Variants in PTPRD observed in about 807,000 individuals in gnomAD.
The protein encoded by PTPRD is receptor-type tyrosine-protein phosphatase delta.
In PTPRD, 34 loss-of-function variants were observed where a neutral mutation model predicts 214.5. The ratio of observed to expected loss-of-function variants is 0.16; its 90% confidence interval spans 0.12 to 0.21. The LOEUF (loss-of-function observed/expected upper bound fraction) is 0.21. Among genes scored for constraint, PTPRD ranks in the 10% least tolerant of loss-of-function variants. PTPRD has a pLI of 1.00. For missense variants in PTPRD, 2,545 were observed against 2,398.7 expected, an observed-to-expected ratio of 1.06 and a Z score of -1.27; for synonymous variants, 1,128 against 845.7, an observed-to-expected ratio of 1.33 and a Z score of -5.79.
intron 3 of PTPRD, among the ~76,000 whole-genome samples, chr9:10,048,415 T>C (rs1299991889): frequency 6.6e-6 from 1 of 152,150 alleles, no homozygotes; most frequent in African/African-American, 2.4e-5. Context: ...AAATGCTGGG[T>C]ACTGGCTTCT....
At chr9:10,297,756 C>G (rs1043621613) in intron 3 of PTPRD, among the ~76,000 whole-genome samples, 2 of 152,076 alleles carry the variant, frequency 1.3e-5, no homozygotes, top group African/African-American at 4.8e-5. Context: ...TCAACTCTAG[C>G]TCTTTAATTA....
intron 2 of PTPRD, among the ~76,000 whole-genome samples, chr9:10,412,544 G>A (rs542151024): frequency 6.6e-6 from 1 of 151,314 alleles, no homozygotes; most frequent in African/African-American, 2.4e-5. Context: ...ATTGAGGCTG[G>A]ACACTTCCCC....
chr9:10,268,093 C>G (rs932433513), intron 3 of PTPRD, among the ~76,000 whole-genome samples: 1 of 147,872 alleles, frequency 6.8e-6, no homozygotes, highest in Admixed American at 6.8e-5. Flanking sequence ...ACCTAAGCAA[C>G]ATAGCAAACC....
rs568568302 is a variant in PTPRD, at chr9:9,035,307, C to T, written c.-142-16572G>A. On this transcript the variant is annotated intron_variant, in intron 10 of 45. Transcript: ENST00000381196. ...TGTCAGAACGTGTACTGTAGAAAAC[C>T]TGTATATAAAGTACCTTCTCTGTCT... is the stretch of plus-strand genomic sequence containing the variant. 3.3e-5 allele frequency among the ~76,000 whole-genome samples: 5 copies of T among 152,104 alleles called. No individual in the cohort carries two copies. The South Asian group carries it at 1.0e-3, about 32-fold the overall frequency.
chr9:9,301,904 A>G (rs1369261141), intron 9 of PTPRD, among the ~76,000 whole-genome samples: 6 of 151,952 alleles, frequency 3.9e-5, no homozygotes, highest in Admixed American at 3.9e-4. Context: ...GAAGGAAACT[A>G]TAATGAGAGC....
chr9:9,905,387 T>C (rs1032099667), intron 5 of PTPRD, among the ~76,000 whole-genome samples: 2 of 151,970 alleles, frequency 1.3e-5, no homozygotes, highest in African/African-American at 2.4e-5. Flanking sequence ...GCATATAAAA[T>C]ACATTCTAAA....
intron 4 of PTPRD, among the ~76,000 whole-genome samples, chr9:9,970,243 G>C (rs539494979): frequency 2.6e-5 from 4 of 151,896 alleles, no homozygotes; most frequent in Non-Finnish European, 4.4e-5. Flanking sequence ...GAGGTCAGGA[G>C]ATCGAGACCA....
At chr9:9,031,654 T>G (rs72692877) in intron 10 of PTPRD, among the ~76,000 whole-genome samples, 8,217 of 152,106 alleles carry the variant, frequency 0.054, 372 homozygotes, top group African/African-American at 0.12. Context: ...GTTGTATATA[T>G]AAATTAATGA....
At chr9:9,901,226 G>A (rs906655590) in intron 5 of PTPRD, among the ~76,000 whole-genome samples, 1 of 152,104 alleles carries the variant, frequency 6.6e-6, no homozygotes, top group Admixed American at 6.6e-5. Flanking sequence ...TTTTAGAGAA[G>A]CTTAGCATAC....
At chr9:10,474,906 G>A (rs1391446727) in intron 2 of PTPRD, among the ~76,000 whole-genome samples, 1 of 152,032 alleles carries the variant, frequency 6.6e-6, no homozygotes, top group East Asian at 1.9e-4. Flanking sequence ...AATAAATTAA[G>A]ACAGAAATAA....
At chr9:9,670,563 C>A (rs1014216084) in intron 7 of PTPRD, among the ~76,000 whole-genome samples, 1 of 152,164 alleles carries the variant, frequency 6.6e-6, no homozygotes, top group Non-Finnish European at 1.5e-5. Context: ...CAGCCCCTCC[C>A]ATCACAGGCC....
intron 34 of PTPRD, among the ~76,000 whole-genome samples, chr9:8,441,387 C>T (rs1042252909): frequency 6.6e-6 from 1 of 152,006 alleles, no homozygotes; most frequent in Non-Finnish European, 1.5e-5. Context: ...CAAGGCCAAT[C>T]GGTTCAGACT....
chr9:9,749,132 G>A (rs955290088), intron 6 of PTPRD, among the ~76,000 whole-genome samples: 5 of 152,050 alleles, frequency 3.3e-5, no homozygotes, highest in African/African-American at 1.2e-4. Flanking sequence ...AGAAGACCCT[G>A]AGCACATCCA....
chr9:10,132,835 A>G lies in PTPRD; in HGVS notation c.-544-99045T>C, dbSNP rs137960721. Among the ~76,000 whole-genome samples the G allele has an allele frequency of 6.1e-3, 930 of 152,276 alleles. 10 individuals are homozygous for G. The highest frequency in any genetic ancestry group is 0.017 in the Middle Eastern group (5 of 292). On this transcript the variant is annotated intron_variant, in intron 3 of 45. Coordinates refer to ENST00000381196, the MANE Select transcript of PTPRD (RefSeq NM_002839.4). ...CAGAGGCCAGACAATGACAGCCAAC[A>G]TCTAAGATGACACCAAGGAGCCCTT... is the stretch of plus-strand genomic sequence containing the variant.
intron 3 of PTPRD, among the ~76,000 whole-genome samples, chr9:10,122,488 G>A (rs1207031737): frequency 6.6e-6 from 1 of 151,942 alleles, no homozygotes; most frequent in Non-Finnish European, 1.5e-5. Context: ...AGGACAATTG[G>A]ATGCAGAGAA....
intron 12 of PTPRD, among the ~76,000 whole-genome samples, chr9:8,640,562 A>AAAAAAAC (rs2096552407): frequency 3.0e-5 from 2 of 67,104 alleles, no homozygotes; most frequent in Non-Finnish European, 5.6e-5. Flanking sequence ...ACAAAAAAAC[A>AAAAAAAC]AAAAAAAAAA....
chr9:8,943,250 A>G (rs1430741809), intron 11 of PTPRD, among the ~76,000 whole-genome samples: 1 of 152,142 alleles, frequency 6.6e-6, no homozygotes, highest in African/African-American at 2.4e-5. Context: ...TACCAATTAT[A>G]TTCTTCATAG....
chr9:9,305,121 T>A (rs1048622251), intron 9 of PTPRD, among the ~76,000 whole-genome samples: 1 of 151,500 alleles, frequency 6.6e-6, no homozygotes, highest in Non-Finnish European at 1.5e-5. Context: ...CATCTTTACC[T>A]CCTCTTTCTG....
intron 9 of PTPRD, among the ~76,000 whole-genome samples, chr9:9,254,096 T>G (rs1477218230): frequency 6.6e-6 from 1 of 152,114 alleles, no homozygotes; most frequent in East Asian, 1.9e-4. Context: ...GATATCCTTC[T>G]CTCAACATAT....
Sources: gnomAD v4.1 joint callset for allele counts (sites outside exome capture counted in the v4.1 genomes callset) on GRCh38, gnomAD v4.1.1 for gene constraint, MANE v1.5 for transcripts, NCBI Gene and HGNC (gene_info 2026-07-23, HGNC 2026-07-21) for gene names.